Variants in SLC12A5 observed in about 807,000 individuals in gnomAD.
The protein encoded by SLC12A5 is solute carrier family 12 member 5.
A neutral mutation model predicts 124.0 loss-of-function variants in SLC12A5; 18 were observed. That is an observed-to-expected ratio of 0.15 (90% CI 0.10 to 0.22). The LOEUF (loss-of-function observed/expected upper bound fraction) is 0.22. Among genes scored for constraint, SLC12A5 ranks in the 10% least tolerant of loss-of-function variants. The pLI is 1.00. For missense variants in SLC12A5, 867 were observed against 1,478.7 expected, an observed-to-expected ratio of 0.59 and a Z score of 6.78; for synonymous variants, 589 against 568.0, an observed-to-expected ratio of 1.04 and a Z score of -0.53.
In SLC12A5 at chr20:46,043,706, G is replaced by A; in HGVS notation, c.1311G>A (p.Leu437=). 1.2e-6 allele frequency: 2 copies of A among 1,614,204 alleles called. No homozygotes were observed. The highest frequency in any genetic ancestry group is 1.7e-6 in the Non-Finnish European group (2 of 1,180,036). The change falls in exon 10 of 26, where the codon CTG becomes CTA. Residue 437 remains leucine, a synonymous_variant. Transcript: ENST00000243964. ...AGTCAATCCCCACTGGCACCATCCT[G>A]GCCATCGCCACCACCTCTGCTGTCT... ...AQKSIPTGTI[L]AIATTSAVYI... is the part of the protein sequence containing the mutation.
At chr20:46,034,308 C>G (rs945450135) in intron 1 of SLC12A5, among the ~76,000 whole-genome samples, 2 of 152,204 alleles carry the variant, frequency 1.3e-5, no homozygotes, top group Non-Finnish European at 2.9e-5. Flanking sequence ...GGCTGGATGC[C>G]TCTCCTGTGT....
intron 10 of SLC12A5, 62 bp from the exon 11 acceptor site, chr20:46,043,814 G>A (rs1253572881): frequency 2.0e-5 from 32 of 1,612,998 alleles, no homozygotes; most frequent in Non-Finnish European, 2.6e-5. Flanking sequence ...ACCTGCTGGT[G>A]CAGGAAGGGT....
At chr20:46,023,618 C>T (rs950268134), downstream of SLC12A5, 1 of 395,982 alleles carries the variant, frequency 2.5e-6, no homozygotes, top group Non-Finnish European at 4.4e-6. Flanking sequence ...TTCTGGTGTT[C>T]TTGTCCACAT....
Position 46,058,896 on chromosome 20 carries a change from C to T in SLC12A5, c.*1291C>T. ...TCTGGGGCCGGGCCTCGCTGCTTAG[C>T]AGCGGCCTCTAGCTCCGTCTCCCGG... is the stretch of plus-strand genomic sequence containing the variant. On this transcript the variant is annotated 3_prime_UTR_variant, in exon 26 of 26. Coordinates refer to ENST00000243964, the MANE Select transcript of SLC12A5 (RefSeq NM_020708.5). The surrounding 1 kb of genome is among the most constrained non-coding windows in gnomAD (Gnocchi z 5.8). The T allele has an allele frequency of 2.5e-6, 1 of 397,088 alleles. No individual in the cohort carries two copies. The highest frequency in any genetic ancestry group is 4.4e-6 in the Non-Finnish European group (1 of 225,674). The allele number at this position is 397,088 out of a possible 1,614,324, so 24.6% of individuals were successfully genotyped here. A position where few individuals can be genotyped will look rare whatever the true frequency, so the allele number is the denominator to read the frequency against.
chr20:46,047,074 G>GA (rs1372286511), intron 14 of SLC12A5, among the ~76,000 whole-genome samples: 2 of 152,224 alleles, frequency 1.3e-5, no homozygotes, highest in Non-Finnish European at 2.9e-5. Context: ...AACCAGGGCT[G>GA]CCCACTCCTG....
At chr20:46,049,096 C>A (rs1016320185) in intron 16 of SLC12A5, among the ~76,000 whole-genome samples, 1 of 152,038 alleles carries the variant, frequency 6.6e-6, no homozygotes, top group African/African-American at 2.4e-5. Context: ...AACTGGGCTC[C>A]CAGAACCTGG....
rs566790571 is a variant in SLC12A5, at chr20:46,057,293, T to A, written c.3249T>A (p.Gly1083=). 3.2e-5 allele frequency: 51 copies of A among 1,614,018 alleles called. 1 individual carries two copies. In the South Asian group the frequency reaches 5.3e-4, roughly 17 times the overall value. The change falls in exon 25 of 26, where the codon GGT becomes GGA. Residue 1083 remains glycine, a synonymous_variant. Transcript: ENST00000243964. The surrounding 1 kb of genome is among the most constrained non-coding windows in gnomAD (Gnocchi z 7.1). ...NMPGPPRNRN[G]DENYMEFLEV... ...CTGGGCCTCCCCGCAACCGCAATGG[T>A]GATGAAAACTGTATCCTGGAATTAA...
In SLC12A5 at chr20:46,056,102, G is replaced by C. The variant is rs1288845168; in HGVS notation, c.2788-48G>C. The C allele has an allele frequency of 1.2e-6, 2 of 1,609,714 alleles. No homozygotes were observed. Among genetic ancestry groups the C allele is most frequent in the African/African-American group, 2.7e-5 (2 of 74,860 alleles). ...CTGGTGATAGCTCTTTGCAGGGCAT[G>C]GGTGGTGACTCCCAGCAGAGCTGGC... On this transcript the variant is annotated intron_variant, in intron 21 of 25. Transcript: ENST00000243964. This position sits in a 1 kb window ranked among gnomAD's most constrained non-coding sequence, Gnocchi z 4.3.
chr20:46,023,733 C>A (rs114750349), downstream of SLC12A5: 5 of 294,280 alleles, frequency 1.7e-5, no homozygotes, highest in Admixed American at 5.2e-5. Context: ...TCGGCCCACC[C>A]ACTGCACCCT....
intron 6 of SLC12A5, 90 bp downstream of exon 6, chr20:46,037,475 C>T: frequency 7.2e-7 from 1 of 1,383,564 alleles, no homozygotes; most frequent in Admixed American, 3.0e-5. Flanking sequence ...CCAGGCCATT[C>T]AGTGAGGCCA....
At chr20:46,026,698 A>G (rs537412139), upstream of SLC12A5, among the ~76,000 whole-genome samples, 1 of 152,344 alleles carries the variant, frequency 6.6e-6, no homozygotes, top group African/African-American at 2.4e-5. Flanking sequence ...TCATTTTTAC[A>G]GACGGGATAC....
upstream of SLC12A5, among the ~76,000 whole-genome samples, chr20:46,024,241 G>A (rs1332453998): frequency 6.6e-6 from 1 of 152,020 alleles, no homozygotes; most frequent in East Asian, 1.9e-4. Context: ...CAGTGCTTCT[G>A]TGTGTCACTA....
At chr20:46,054,893 C>A in intron 20 of SLC12A5, 23 bp from the exon 21 acceptor site, 1 of 1,585,918 alleles carries the variant, frequency 6.3e-7, no homozygotes, top group Non-Finnish European at 8.7e-7. Flanking sequence ...CACCCCCCAA[C>A]CCCAACCTCT....
upstream of SLC12A5, among the ~76,000 whole-genome samples, chr20:46,025,743 C>T (rs1334082436): frequency 4.6e-5 from 7 of 152,080 alleles, no homozygotes; most frequent in African/African-American, 1.2e-4. Flanking sequence ...GTGTGTGGGG[C>T]GTGCTTTGCG....
chr20:46,054,825 C>T, intron 20 of SLC12A5, 91 bp from the exon 21 acceptor site: 1 of 871,674 alleles, frequency 1.1e-6, no homozygotes, highest in Non-Finnish European at 1.9e-6. Context: ...GCCTTCCTTC[C>T]TTCCCTTGGC....
intron 16 of SLC12A5, 111 bp from the exon 17 acceptor site, chr20:46,049,511 G>A: frequency 2.2e-6 from 3 of 1,353,730 alleles, no homozygotes; most frequent in Non-Finnish European, 3.0e-6. Context: ...ATAGGTGGAT[G>A]GGACAGATGG....
chr20:46,052,871 G>T, intron 18 of SLC12A5, 86 bp from the exon 19 acceptor site: 1 of 1,440,338 alleles, frequency 6.9e-7, no homozygotes. Flanking sequence ...AGTGCTGGCT[G>T]CCAGGAGCCC....
chr20:46,029,314 C>T lies in SLC12A5; in HGVS notation c.-31C>T. 6.5e-7 allele frequency: 1 copy of T among 1,526,840 alleles called. No individual in the cohort carries two copies. Among genetic ancestry groups the T allele is most frequent in the Non-Finnish European group, 8.8e-7 (1 of 1,136,816 alleles). 94.6% of individuals were successfully genotyped at this position (1,526,840 alleles called of 1,614,324 possible). On this transcript the variant is annotated 5_prime_UTR_variant, in exon 1 of 26. Transcript: ENST00000243964. The stretch of plus-strand genomic sequence containing the variant: ...GAGGGGCGCGGGCGAGGCGGCGCAG[C>T]CATCCCCGGACCAGGGGCCGCGCCG...
rs9074 is a variant in SLC12A5 at position 46,060,026 on chromosome 20, G to A, written c.*2421G>A. The A allele has an allele frequency of 0.22, 38,828 of 174,214 alleles. 5,084 individuals are homozygous for A. The highest frequency in any genetic ancestry group is 0.36 in the East Asian group (2,430 of 6,792). 10.8% of individuals were successfully genotyped at this position (174,214 alleles called of 1,614,324 possible). A position where few individuals can be genotyped will look rare whatever the true frequency, so the allele number is the denominator to read the frequency against. ...TGTGTTCTTTGTGCCAATATGAAAA[G>A]GAGAGGGTTGGTTCTTTCCTTTATT... On this transcript the variant is annotated 3_prime_UTR_variant, in exon 26 of 26. Coordinates refer to ENST00000243964, the MANE Select transcript of SLC12A5 (RefSeq NM_020708.5).
Sources: gnomAD v4.1 joint callset for allele counts (sites outside exome capture counted in the v4.1 genomes callset) on GRCh38, gnomAD v4.1.1 for gene constraint, Gnocchi (gnomAD v3.1) non-coding constraint, MANE v1.5 for transcripts, NCBI Gene and HGNC (gene_info 2026-07-23, HGNC 2026-07-21) for gene names.